SACM1L: variants seen among roughly 807,000 people sequenced by gnomAD.
The protein encoded by SACM1L is phosphatidylinositol-3-phosphatase SAC1.
In SACM1L, 32 loss-of-function variants were observed where a neutral mutation model predicts 89.5. That is an observed-to-expected ratio of 0.36 (90% CI 0.27 to 0.48). SACM1L has a LOEUF of 0.48. SACM1L is among the 20% of genes least tolerant of loss of function. The pLI, the probability that SACM1L is intolerant of heterozygous loss-of-function variation, is 0.99. For missense variants in SACM1L, 543 were observed against 708.5 expected, an observed-to-expected ratio of 0.77 and a Z score of 2.65; for synonymous variants, 213 against 232.8, an observed-to-expected ratio of 0.92 and a Z score of 0.77.
At chr3:45,739,544 T>A in intron 18 of SACM1L, 43 bp from the exon 19 acceptor site, 1 of 1,589,660 alleles carries the variant, frequency 6.3e-7, no homozygotes, top group Non-Finnish European at 8.6e-7. Flanking sequence ...CTGCCATTGA[T>A]TAGCATTCTT....
At position 45,738,996 on chromosome 3, in the gene SACM1L, C is replaced by G. The variant is rs562982766; in HGVS notation, c.1569+123C>G. 2.8e-4 allele frequency: 175 copies of G among 636,134 alleles called. No homozygotes were observed. The East Asian group carries it at 4.5e-3, about 16-fold the overall frequency. The allele number at this position is 636,134 out of a possible 1,614,324, so 39.4% of individuals were successfully genotyped here. A position where few individuals can be genotyped will look rare whatever the true frequency, so the allele number is the denominator to read the frequency against. On this transcript the variant is annotated intron_variant, in intron 18 of 19. Coordinates refer to ENST00000389061, the MANE Select transcript of SACM1L (RefSeq NM_014016.5). ...TATTTCATTACATGAAATATAAATA[C>G]TTAAGTTTTCCAAAGAGGTCAGGCT...
chr3:45,706,740 C>G, intron 3 of SACM1L, 40 bp from the exon 4 acceptor site: 1 of 1,523,090 alleles, frequency 6.6e-7, no homozygotes. Flanking sequence ...TTTAGAGTTA[C>G]TATTTTTATA....
chr3:45,703,241 C>A (rs1362043939), intron 1 of SACM1L, among the ~76,000 whole-genome samples, 197 bp from the exon 2 acceptor site: 2 of 152,100 alleles, frequency 1.3e-5, no homozygotes, highest in African/African-American at 2.4e-5. Flanking sequence ...CATAGCAAAT[C>A]AAAACCTAGT....
chr3:45,704,873 T>C (rs938362), intron 2 of SACM1L, among the ~76,000 whole-genome samples: 72,974 of 151,614 alleles, frequency 0.48, 18,036 homozygotes, highest in Middle Eastern at 0.57. Context: ...CAGACTATGT[T>C]ATTCCTAATG....
chr3:45,732,838 T>TC (rs1316268335), intron 13 of SACM1L, among the ~76,000 whole-genome samples: 2 of 152,234 alleles, frequency 1.3e-5, no homozygotes. Context: ...ACCATTTTCT[T>TC]CTGCCTGTGT....
At chr3:45,723,323 G>C (rs2125697671) in intron 10 of SACM1L, 152 bp from the exon 11 acceptor site, 1 of 344,152 alleles carries the variant, frequency 2.9e-6, no homozygotes, top group East Asian at 5.1e-5. Flanking sequence ...ATTTAGAATA[G>C]CTAGAAGGCA....
At chr3:45,691,836 C>G (rs1301113913) in intron 1 of SACM1L, among the ~76,000 whole-genome samples, 1 of 152,088 alleles carries the variant, frequency 6.6e-6, no homozygotes, top group African/African-American at 2.4e-5. Context: ...TTTCTCCAGC[C>G]CATCTCTGCC....
chr3:45,715,337 TAAAGA>T (rs535318290), intron 7 of SACM1L, among the ~76,000 whole-genome samples: 1 of 152,164 alleles, frequency 6.6e-6, no homozygotes, highest in Non-Finnish European at 1.5e-5. Flanking sequence ...TTGTTATACT[TAAAGA>T]AAACCCAAAA....
chr3:45,707,602 A>T (rs2673037), intron 4 of SACM1L, among the ~76,000 whole-genome samples: 73,437 of 152,090 alleles, frequency 0.48, 18,277 homozygotes, highest in Middle Eastern at 0.57. Context: ...TTCAAGGGAC[A>T]GTAGGTATGC....
chr3:45,723,349 C>T (rs1390862512), intron 10 of SACM1L, 126 bp from the exon 11 acceptor site: 1 of 355,808 alleles, frequency 2.8e-6, no homozygotes, highest in East Asian at 5.3e-5. Flanking sequence ...CACATCCTGA[C>T]ATCTTTCTTT....
chr3:45,723,439 G>T (rs771238917), intron 10 of SACM1L, 36 bp from the exon 11 acceptor site: 25 of 880,160 alleles, frequency 2.8e-5, no homozygotes, highest in Non-Finnish European at 3.1e-5. Context: ...ATTACATAAT[G>T]TACTCCAGTA....
At chr3:45,719,698 A>G in intron 8 of SACM1L, 97 bp downstream of exon 8, 1 of 665,386 alleles carries the variant, frequency 1.5e-6, no homozygotes, top group Non-Finnish European at 2.5e-6. Context: ...TTTCATTATC[A>G]TTTGATAGCC....
At chr3:45,716,502 G>A (rs1184770627) in intron 7 of SACM1L, among the ~76,000 whole-genome samples, 1 of 152,104 alleles carries the variant, frequency 6.6e-6, no homozygotes, top group Non-Finnish European at 1.5e-5. Context: ...ATTGGTGAAG[G>A]TGCATGCTAG....
intron 1 of SACM1L, among the ~76,000 whole-genome samples, chr3:45,690,974 A>C (rs568242162): frequency 6.6e-6 from 1 of 152,364 alleles, no homozygotes; most frequent in African/African-American, 2.4e-5. Context: ...AGCGTGGCAA[A>C]GATTGAATAG....
intron 11 of SACM1L, among the ~76,000 whole-genome samples, chr3:45,731,073 A>C (rs1699043169): frequency 6.6e-6 from 1 of 152,204 alleles, no homozygotes; most frequent in African/African-American, 2.4e-5. Context: ...AAACTTTCCC[A>C]CCATTTTGAA....
At chr3:45,713,910 T>A (rs1698580624) in intron 6 of SACM1L, 136 bp from the exon 7 acceptor site, 3 of 392,814 alleles carry the variant, frequency 7.6e-6, no homozygotes, top group Middle Eastern at 1.5e-3. Context: ...ATTAGAGAAA[T>A]CTTTTAAAAA....
chr3:45,739,791 G>A (rs1699277281), intron 19 of SACM1L, 147 bp downstream of exon 19: 1 of 737,764 alleles, frequency 1.4e-6, no homozygotes, highest in Admixed American at 2.4e-5. Flanking sequence ...GTCATTAGAT[G>A]TGACAGGAAG....
At position 45,743,537 on chromosome 3, in the gene SACM1L, C is replaced by T; in HGVS notation, c.1632C>T (p.Asp544=). 1 of 1,608,690 alleles carries T rather than the reference C, an allele frequency of 6.2e-7. No homozygotes were observed. Among genetic ancestry groups the T allele is most frequent in the East Asian group, 2.2e-5 (1 of 44,782 alleles). Residue 544 remains aspartate (D), a synonymous_variant, in exon 20 of 20, where the codon GAC becomes GAT. Transcript: ENST00000389061. ...MCIICLLMAG[D]TWTETLAYVL... is the part of the protein sequence containing the mutation. ...TTTGTTTCTTAATATCAACAGGTGACACTTGGACAGAAACACTGGCCTATG... is the reference window on the plus strand; with the variant it reads ...TTTGTTTCTTAATATCAACAGGTGATACTTGGACAGAAACACTGGCCTATG...
At chr3:45,694,183 T>TC (rs1698068517) in intron 1 of SACM1L, among the ~76,000 whole-genome samples, 1 of 152,178 alleles carries the variant, frequency 6.6e-6, no homozygotes, top group African/African-American at 2.4e-5. Flanking sequence ...TCTTTTTTTT[T>TC]CTTTTTCTTT....
Sources: allele counts gnomAD v4.1 joint callset (sites outside exome capture counted in the v4.1 genomes callset), GRCh38; gene constraint gnomAD v4.1.1; transcripts MANE v1.5; gene names NCBI Gene and HGNC (gene_info 2026-07-23, HGNC 2026-07-21).